The following GHR variants were observed in gnomAD, a reference collection of about 807,000 sequenced individuals.
GHR encodes growth hormone receptor.
A neutral mutation model predicts 67.1 loss-of-function variants in GHR; 35 were observed. The observed-to-expected ratio is 0.52, with a 90% CI of 0.40 to 0.69. The LOEUF (loss-of-function observed/expected upper bound fraction) is 0.69, where lower values mean the gene tolerates loss of function less well. GHR is among the 30% of genes least tolerant of loss of function. The pLI, the probability that GHR is intolerant of heterozygous loss-of-function variation, is 0.00. For missense variants in GHR, 792 were observed against 764.6 expected (o/e 1.04, Z -0.42); for synonymous variants, 272 against 269.1 (o/e 1.01, Z -0.10).
At chr5:42,467,743 C>A in intron 1 of GHR, 2 of 1,554,812 alleles carry the variant, frequency 1.3e-6, no homozygotes, top group South Asian at 2.2e-5. Context: ...GGTGTGGATT[C>A]TCTGATGCAC....
chr5:42,503,838 A>G (rs1006584117), intron 1 of GHR, among the ~76,000 whole-genome samples: 2 of 152,140 alleles, frequency 1.3e-5, no homozygotes, highest in African/African-American at 4.8e-5. Context: ...GACGAGGCTT[A>G]TGGATATCTG....
intron 6 of GHR, among the ~76,000 whole-genome samples, chr5:42,704,050 T>C (rs1038822238): frequency 3.9e-5 from 6 of 151,976 alleles, no homozygotes; most frequent in Non-Finnish European, 7.4e-5. Flanking sequence ...TTTTGCTTAA[T>C]TGCTCTGACT....
At chr5:42,700,026 C>T in intron 6 of GHR, 24 bp downstream of exon 6, 2 of 1,456,616 alleles carry the variant, frequency 1.4e-6, no homozygotes, top group Non-Finnish European at 1.9e-6. Context: ...ACACCTTACA[C>T]TTTGACTTTT....
At position 42,694,980 on chromosome 5, in the gene GHR, C is replaced by G. The variant is rs770546295; in HGVS notation, c.330C>G (p.Asn110Lys). The change falls in exon 5 of 10, where the codon AAC (asparagine) becomes AAG (lysine). Residue 110 changes from asparagine (N) to lysine (K), a missense_variant. Transcript: ENST00000230882. Reference protein sequence around the residue: ...ECPDYVSAGENSCYFNSSFTS... With the variant: ...ECPDYVSAGEKSCYFNSSFTS... Reference sequence around the variant, plus strand: ...CTGATTATGTTTCTGCTGGGGAAAACAGCTGTTACTTTAATTCATCGTTTA... The same window carrying G: ...CTGATTATGTTTCTGCTGGGGAAAAGAGCTGTTACTTTAATTCATCGTTTA... The G allele has an allele frequency of 6.2e-7, 1 of 1,611,298 alleles. No individual in the cohort carries two copies. The highest frequency in any genetic ancestry group is 1.1e-5 in the South Asian group (1 of 90,940).
chr5:42,470,074 T>C (rs771721451), intron 1 of GHR, among the ~76,000 whole-genome samples: 2 of 142,302 alleles, frequency 1.4e-5, no homozygotes, highest in African/African-American at 5.0e-5. Flanking sequence ...GTATAAATAA[T>C]ATGTAAATAA....
intron 1 of GHR, among the ~76,000 whole-genome samples, chr5:42,459,844 A>G (rs1235363597): frequency 6.6e-6 from 1 of 152,110 alleles, no homozygotes; most frequent in Non-Finnish European, 1.5e-5. Flanking sequence ...ACTTTGAGAG[A>G]GACTGCATGA....
chr5:42,441,773 T>A (rs2111957883), intron 1 of GHR, among the ~76,000 whole-genome samples: 1 of 152,316 alleles, frequency 6.6e-6, no homozygotes. Flanking sequence ...CCTCCCAAAG[T>A]GCTGGGATTA....
chr5:42,562,795 C>T (rs957597288), intron 1 of GHR, among the ~76,000 whole-genome samples: 3 of 151,812 alleles, frequency 2.0e-5, no homozygotes, highest in African/African-American at 7.3e-5. Context: ...GGATTACAGG[C>T]ATGCGCTGCC....
At chr5:42,588,551 A>AAAAAAAAAAAAAAT (rs1751613744) in intron 2 of GHR, among the ~76,000 whole-genome samples, 20 of 141,940 alleles carry the variant, frequency 1.4e-4, no homozygotes, top group Middle Eastern at 3.4e-3. Flanking sequence ...AAAAAAAAAA[A>AAAAAAAAAAAAAAT]GTGACCTATA....
At chr5:42,716,192 G>A (rs923653968) in intron 8 of GHR, among the ~76,000 whole-genome samples, 3 of 150,980 alleles carry the variant, frequency 2.0e-5, no homozygotes, top group Admixed American at 6.6e-5. Context: ...ACAAAACAGC[G>A]AAACAGCAGC....
intron 1 of GHR, among the ~76,000 whole-genome samples, chr5:42,563,467 A>T (rs182034268): frequency 2.0e-5 from 3 of 152,002 alleles, no homozygotes; most frequent in African/African-American, 7.2e-5. Context: ...ATACAAAAAA[A>T]ATTAGCCGGG....
At position 42,643,740 on chromosome 5, in the gene GHR, A is replaced by G. The variant is rs192420173; in HGVS notation, c.136+14637A>G. ...TATGCCTTTTTTTTTTTCCCTGAAA[A>G]CAGCCCAGAATATCTGAAAAGGGAG... On this transcript the variant is annotated intron_variant, in intron 3 of 9. Transcript: ENST00000230882. 1.1e-4 allele frequency among the ~76,000 whole-genome samples: 16 copies of G among 152,116 alleles called. No homozygotes were observed. The East Asian group carries it at 2.9e-3, about 27-fold the overall frequency.
chr5:42,678,473 G>A (rs564460468), intron 3 of GHR, among the ~76,000 whole-genome samples: 5 of 152,162 alleles, frequency 3.3e-5, no homozygotes, highest in African/African-American at 1.2e-4. Context: ...TAGGTACACC[G>A]TAATTCACTA....
At chr5:42,538,275 A>T (rs188731596) in intron 1 of GHR, among the ~76,000 whole-genome samples, 1 of 152,174 alleles carries the variant, frequency 6.6e-6, no homozygotes. Context: ...TATAAGTCCT[A>T]TGTGATTTAG....
intron 1 of GHR, among the ~76,000 whole-genome samples, chr5:42,454,117 C>T (rs749488930): frequency 2.0e-4 from 31 of 152,146 alleles, no homozygotes; most frequent in Non-Finnish European, 2.9e-4. Flanking sequence ...CTGGTGCTGG[C>T]GAATGTCTGC....
Position 42,547,765 on chromosome 5 carries a change from G to T in GHR, c.-11-18099G>T, listed in dbSNP as rs1431019619. The stretch of plus-strand genomic sequence containing the variant: ...AACTACTTTATACTGCTGACAAATG[G>T]TTAAATGTTTCCAATGAAACTAAGT... On this transcript the variant is annotated intron_variant, in intron 1 of 9. Transcript: ENST00000230882. Among the ~76,000 whole-genome samples, 6 of 152,294 alleles carry T rather than the reference G, an allele frequency of 3.9e-5. No homozygotes were observed. The East Asian group carries it at 1.2e-3, about 29-fold the overall frequency.
intron 2 of GHR, among the ~76,000 whole-genome samples, chr5:42,623,020 A>G (rs1019000687): frequency 1.3e-5 from 2 of 152,200 alleles, no homozygotes; most frequent in Non-Finnish European, 2.9e-5. Context: ...CACAATGTCA[A>G]GTTCTCCATA....
intron 1 of GHR, among the ~76,000 whole-genome samples, chr5:42,430,522 C>T (rs185840469): frequency 3.0e-4 from 45 of 151,992 alleles, no homozygotes; most frequent in Admixed American, 1.8e-3. Context: ...TCTGAGCCTA[C>T]CAAAAGCCCT....
intron 8 of GHR, among the ~76,000 whole-genome samples, chr5:42,716,065 G>A (rs1027686430): frequency 1.3e-5 from 2 of 151,842 alleles, no homozygotes; most frequent in Non-Finnish European, 1.5e-5. Flanking sequence ...ACGTCACAAA[G>A]TCAAACATCA....
Sources: gnomAD v4.1 joint callset for allele counts (sites outside exome capture counted in the v4.1 genomes callset) on GRCh38, gnomAD v4.1.1 for gene constraint, MANE v1.5 for transcripts, NCBI Gene and HGNC (gene_info 2026-07-23, HGNC 2026-07-21) for gene names.